ATIC: variants seen among roughly 807,000 people sequenced by gnomAD.
ATIC encodes the protein 5-aminoimidazole-4-carboxamide ribonucleotide formyltransferase/IMP cyclohydrolase.
ATIC carries 64 observed loss-of-function variants against 72.5 expected under a neutral mutation model. The observed-to-expected ratio is 0.88, with a 90% confidence interval of 0.72 to 1.09. The LOEUF (loss-of-function observed/expected upper bound fraction) is 1.09, where lower values mean the gene tolerates loss of function less well. ATIC is among the 50% of genes least tolerant of loss of function. The pLI is 0.00. For synonymous variants in ATIC, 281 were observed against 267.1 expected, an observed-to-expected ratio of 1.05 and a Z score of -0.51; for missense variants, 787 against 732.4, an observed-to-expected ratio of 1.07 and a Z score of -0.86.
intron 13 of ATIC, chr2:215,345,215 G>T: frequency 2.8e-6 from 1 of 357,802 alleles, no homozygotes; most frequent in East Asian, 6.7e-5. Context: ...GGTAAGTTAC[G>T]GTACTGCCAC....
chr2:215,319,853 T>C, intron 4 of ATIC, 122 bp downstream of exon 4: 1 of 820,766 alleles, frequency 1.2e-6, no homozygotes, highest in Non-Finnish European at 2.0e-6. Flanking sequence ...CTGTGTGACT[T>C]TGTATGTGTG....
chr2:215,340,940 C>T lies in ATIC; in HGVS notation c.1227+2033C>T, dbSNP rs1199688438. ...TCTGTTAGCACTTGCTGTCTGTCCG[C>T]TCTGCCCAGCATTTCTGTTTGTTAC... On this transcript the variant is annotated intron_variant, in intron 12 of 15. Coordinates refer to ENST00000236959, the MANE Select transcript of ATIC (RefSeq NM_004044.7). 3.9e-5 allele frequency among the ~76,000 whole-genome samples: 6 copies of T among 152,166 alleles called. No individual in the cohort carries two copies. The East Asian group carries it at 9.6e-4, about 24-fold the overall frequency.
chr2:215,354,756 C>A (rs375950245), downstream of ATIC, among the ~76,000 whole-genome samples: 3 of 150,738 alleles, frequency 2.0e-5, no homozygotes, highest in Non-Finnish European at 4.4e-5. Context: ...TTTACTATTT[C>A]TACTTCTGTT....
At chr2:215,315,047 A>G (rs760311508) in intron 2 of ATIC, among the ~76,000 whole-genome samples, 1 of 152,214 alleles carries the variant, frequency 6.6e-6, no homozygotes, top group Non-Finnish European at 1.5e-5. Context: ...GATATGGTGT[A>G]TGCTAGTAGA....
At chr2:215,328,968 C>T (rs574238874) in intron 7 of ATIC, among the ~76,000 whole-genome samples, 2 of 152,286 alleles carry the variant, frequency 1.3e-5, no homozygotes, top group Admixed American at 6.5e-5. Context: ...CTGCCTGCCT[C>T]GGCCTCCCAA....
intron 15 of ATIC, 127 bp from the exon 16 acceptor site, chr2:215,349,409 A>G: frequency 6.3e-7 from 1 of 1,577,732 alleles, no homozygotes; most frequent in Non-Finnish European, 8.6e-7. Flanking sequence ...GAGAACCCAA[A>G]TCCTGTTGTT....
rs1280536912 is a variant in ATIC at position 215,325,244 on chromosome 2, T to C, written c.294T>C (p.Val98=). 1 of 1,613,270 alleles carries C rather than the reference T, an allele frequency of 6.2e-7. No homozygotes were observed. Among genetic ancestry groups the C allele is most frequent in the Non-Finnish European group, 8.5e-7 (1 of 1,179,250 alleles). ...CAGATTCGTCTTTGTTTTATAGAGT[T>C]GTTGCCTGCAATCTCTATCCCTTTG... The part of the protein sequence containing the change: ...MARLDFNLIR[V]VACNLYPFVK... Residue 98 remains valine (V), a synonymous_variant, in exon 5 of 16, where the codon GTT becomes GTC. Transcript: ENST00000236959.
At chr2:215,357,179 T>A in the ATIC span, among the ~76,000 whole-genome samples, 3 of 152,212 alleles carry the variant, frequency 2.0e-5, no homozygotes, top group African/African-American at 7.2e-5. Flanking sequence ...TTGTAAAGTC[T>A]TGTCCAGCAG....
At chr2:215,339,505 G>T (rs908318195) in intron 12 of ATIC, among the ~76,000 whole-genome samples, 2 of 152,198 alleles carry the variant, frequency 1.3e-5, no homozygotes, top group African/African-American at 4.8e-5. Context: ...GACAGAACAA[G>T]ATCCTATCTC....
intron 7 of ATIC, among the ~76,000 whole-genome samples, chr2:215,330,868 T>G (rs750146837): frequency 6.6e-6 from 1 of 152,154 alleles, no homozygotes; most frequent in Non-Finnish European, 1.5e-5. Flanking sequence ...TGTACCCATT[T>G]CCAGAATGTC....
chr2:215,364,829 C>T, the ATIC span: 1 of 1,267,832 alleles, frequency 7.9e-7, no homozygotes, highest in Non-Finnish European at 1.1e-6. Flanking sequence ...TGCAGGAGCC[C>T]ACCCTTTATC....
chr2:215,338,634 A>G, intron 11 of ATIC, 145 bp from the exon 12 acceptor site: 4 of 806,742 alleles, frequency 5.0e-6, no homozygotes, highest in Non-Finnish European at 5.6e-6. Context: ...TTGTTGTGTG[A>G]GAAAAATTAG....
At position 215,312,614 on chromosome 2, in the gene ATIC, C is replaced by A; in HGVS notation, c.136C>A (p.Leu46Met). The A allele has an allele frequency of 6.2e-7, 1 of 1,614,182 alleles. No individual in the cohort carries two copies. The highest frequency in any genetic ancestry group is 1.1e-5 in the South Asian group (1 of 91,070). ...TGCAAAAGCTCTCAGGGATGCTGGT[C>A]TGGCAGTCAGGTAAGGCATAGCTAG... ...GTAKALRDAG[L>M]AVRDVSELTG... The change falls in exon 2 of 16, where the codon CTG becomes ATG. Residue 46 changes from leucine (L) to methionine (M), a missense_variant. Coordinates refer to ENST00000236959, the MANE Select transcript of ATIC (RefSeq NM_004044.7).
At chr2:215,340,106 T>G (rs1488059311) in intron 12 of ATIC, among the ~76,000 whole-genome samples, 1 of 152,186 alleles carries the variant, frequency 6.6e-6, no homozygotes, top group Non-Finnish European at 1.5e-5. Context: ...ATTGCTTACA[T>G]TTTCAGTGCT....
intron 1 of ATIC, 131 bp downstream of exon 1, chr2:215,312,292 C>G: frequency 6.9e-7 from 1 of 1,443,704 alleles, no homozygotes; most frequent in Non-Finnish European, 9.2e-7. Flanking sequence ...CGTCCCCGCT[C>G]CCCGGCCGGG....
intron 9 of ATIC, among the ~76,000 whole-genome samples, chr2:215,333,887 A>G (rs2052924138): frequency 6.6e-6 from 1 of 151,744 alleles, no homozygotes; most frequent in African/African-American, 2.4e-5. Context: ...CTAAAAATAC[A>G]AAAAATTAGC....
chr2:215,359,564 G>A, the ATIC span, among the ~76,000 whole-genome samples: 7 of 152,134 alleles, frequency 4.6e-5, no homozygotes, highest in Non-Finnish European at 7.3e-5. Context: ...GGCTGATAAA[G>A]CTTAAAGATC....
chr2:215,334,189 C>CCT (rs2052929129), intron 9 of ATIC, among the ~76,000 whole-genome samples: 1 of 101,004 alleles, frequency 9.9e-6, no homozygotes, highest in African/African-American at 3.7e-5. Flanking sequence ...AAAAGCTATT[C>CCT]TTTTTTTTTT....
In ATIC at chr2:215,318,177, G is replaced by T. The variant is rs1430045479; in HGVS notation, c.167G>T (p.Gly56Val). ...LAVRDVSELT[G>V]FPEMLGGRVK... Reference sequence around the variant, plus strand: ...TTCAGAGATGTCTCTGAGTTGACGGGATTTCCTGAAATGTTGGGGGGACGT... The same window carrying T: ...TTCAGAGATGTCTCTGAGTTGACGGTATTTCCTGAAATGTTGGGGGGACGT... Residue 56 changes from glycine (G) to valine (V), a missense_variant, in exon 3 of 16, where the codon GGA (glycine) becomes GTA (valine). Gly to Val is a moderately radical substitution (Grantham distance 109, BLOSUM62 -3). Coordinates refer to ENST00000236959, the MANE Select transcript of ATIC (RefSeq NM_004044.7). 2 of 1,613,994 alleles carry T rather than the reference G, an allele frequency of 1.2e-6. No homozygotes were observed. The highest frequency in any genetic ancestry group is 1.1e-5 in the South Asian group (1 of 91,078).
Sources: allele counts gnomAD v4.1 joint callset (sites outside exome capture counted in the v4.1 genomes callset), GRCh38; gene constraint gnomAD v4.1.1; transcripts MANE v1.5; gene names NCBI Gene and HGNC (gene_info 2026-07-23, HGNC 2026-07-21).